Variants in OSMR observed in about 807,000 individuals in gnomAD.
OSMR encodes the protein oncostatin-M-specific receptor subunit beta.
A neutral mutation model predicts 99.9 loss-of-function variants in OSMR; 81 were observed. That is an observed-to-expected ratio of 0.81 (90% CI 0.68 to 0.97). The LOEUF (loss-of-function observed/expected upper bound fraction) is 0.97, where lower values mean the gene tolerates loss of function less well. Ranked by LOEUF, OSMR falls within the 50% of genes least tolerant of loss-of-function variation. The pLI, the probability that OSMR is intolerant of heterozygous loss-of-function variation, is 0.00. For synonymous variants in OSMR, 406 were observed against 410.4 expected, an observed-to-expected ratio of 0.99 and a Z score of 0.13; for missense variants, 1,099 against 1,153.4, an observed-to-expected ratio of 0.95 and a Z score of 0.68.
At chr5:38,885,227 C>G in intron 5 of OSMR, 122 bp from the exon 6 acceptor site, 1 of 1,538,398 alleles carries the variant, frequency 6.5e-7, no homozygotes, top group Non-Finnish European at 8.8e-7. Flanking sequence ...TAGCCTTCCA[C>G]CTCAGTGACC....
intron 13 of OSMR, among the ~76,000 whole-genome samples, chr5:38,923,672 G>C (rs1200567352): frequency 6.6e-6 from 1 of 151,978 alleles, no homozygotes; most frequent in Non-Finnish European, 1.5e-5. Context: ...TGTTACCACT[G>C]TCCCCCCAGC....
chr5:38,849,442 A>C (rs1740178349), intron 1 of OSMR, among the ~76,000 whole-genome samples: 1 of 149,990 alleles, frequency 6.7e-6, no homozygotes, highest in Non-Finnish European at 1.5e-5. Flanking sequence ...TCAGGATTCT[A>C]TTCTGTTTCA....
At chr5:38,920,933 A>G (rs1246804278) in intron 11 of OSMR, among the ~76,000 whole-genome samples, 1 of 152,202 alleles carries the variant, frequency 6.6e-6, no homozygotes, top group Non-Finnish European at 1.5e-5. Context: ...AACTGTGTGC[A>G]TATCTTTATA....
chr5:38,884,012 A>C lies in OSMR; in HGVS notation c.604A>C (p.Ser202Arg). The change falls in exon 5 of 18, where the codon AGT becomes CGT. Residue 202 changes from serine (S) to arginine (R), a missense_variant. Coordinates refer to ENST00000274276, the MANE Select transcript of OSMR (RefSeq NM_003999.3). ...DPHVTAFNLNSVPFIRNKGTN... is the reference protein window; with the variant it reads ...DPHVTAFNLNRVPFIRNKGTN... Reference sequence around the variant, plus strand: ...ACATGTAACTGCATTCAACTTGAATAGTGTGCCTTTCATTAGGAATAAAGG... The same window carrying C: ...ACATGTAACTGCATTCAACTTGAATCGTGTGCCTTTCATTAGGAATAAAGG... The C allele has an allele frequency of 6.2e-7, 1 of 1,613,272 alleles. No homozygotes were observed. The highest frequency in any genetic ancestry group is 8.5e-7 in the Non-Finnish European group (1 of 1,179,178).
At chr5:38,932,572 A>G in intron 17 of OSMR, 37 bp downstream of exon 17, 1 of 1,584,860 alleles carries the variant, frequency 6.3e-7, no homozygotes, top group Non-Finnish European at 8.7e-7. Context: ...CCATATACCT[A>G]TTAAGGACTA....
intron 1 of OSMR, among the ~76,000 whole-genome samples, chr5:38,848,997 T>C (rs1740136686): frequency 6.6e-6 from 1 of 152,136 alleles, no homozygotes. Context: ...AGACTGGTCT[T>C]GAACTCCTGG....
chr5:38,924,277 T>C, intron 13 of OSMR, 145 bp from the exon 14 acceptor site: 1 of 1,508,032 alleles, frequency 6.6e-7, no homozygotes, highest in Non-Finnish European at 8.9e-7. Flanking sequence ...GCACAAATCC[T>C]CTAGAGAAAC....
At chr5:38,853,339 C>A (rs1004949256) in intron 1 of OSMR, among the ~76,000 whole-genome samples, 3 of 152,218 alleles carry the variant, frequency 2.0e-5, no homozygotes, top group Non-Finnish European at 4.4e-5. Flanking sequence ...ATTTAATCCT[C>A]ATGCCAATGC....
At chr5:38,905,432 G>A (rs1745165649) in intron 9 of OSMR, among the ~76,000 whole-genome samples, 1 of 151,740 alleles carries the variant, frequency 6.6e-6, no homozygotes, top group Admixed American at 6.6e-5. Context: ...AGGTTGCAGT[G>A]AGCTGAGATC....
chr5:38,856,800 C>A (rs1406443108), intron 1 of OSMR, among the ~76,000 whole-genome samples: 1 of 152,146 alleles, frequency 6.6e-6, no homozygotes, highest in African/African-American at 2.4e-5. Flanking sequence ...TGCCACCATG[C>A]CCAGGTAATC....
chr5:38,921,416 G>C, intron 11 of OSMR, 199 bp from the exon 12 acceptor site: 1 of 873,676 alleles, frequency 1.1e-6, no homozygotes, highest in South Asian at 5.2e-5. Context: ...CTGAAGGGCA[G>C]GTGTGAATAT....
downstream of OSMR, chr5:38,939,426 G>GA (rs1308878206): frequency 4.3e-6 from 1 of 231,868 alleles, no homozygotes; most frequent in African/African-American, 2.2e-5. Context: ...ATCGTTATTA[G>GA]AAAAAATTTA....
At position 38,935,060 on chromosome 5, in the gene OSMR, CCTGACCTCAGGTGAT is replaced by C. The variant is rs1317531960; in HGVS notation, c.*1620_*1634del. On this transcript the variant is annotated 3_prime_UTR_variant, in exon 18 of 18. Coordinates refer to ENST00000274276, the MANE Select transcript of OSMR (RefSeq NM_003999.3). Reference sequence around the variant, plus strand: ...ATGTTGGTCAGGCTGTTCTCGAACTCCTGACCTCAGGTGATCTGCCTGCCTTGGCCTCCCAAAGTG... The same window carrying C: ...ATGTTGGTCAGGCTGTTCTCGAACTCCTGCCTGCCTTGGCCTCCCAAAGTG... 1 of 152,406 alleles carries C rather than the reference CCTGACCTCAGGTGAT, an allele frequency of 6.6e-6. No homozygotes were observed. The highest frequency in any genetic ancestry group is 2.4e-5 in the African/African-American group (1 of 41,450). 9.4% of individuals were successfully genotyped at this position (152,406 alleles called of 1,614,324 possible).
chr5:38,931,713 G>C (rs967497828), intron 15 of OSMR, 170 bp from the exon 16 acceptor site: 14 of 957,430 alleles, frequency 1.5e-5, no homozygotes, highest in African/African-American at 1.8e-5. Context: ...TTGGCTAGTT[G>C]GTTGGTTGGC....
intron 7 of OSMR, among the ~76,000 whole-genome samples, chr5:38,894,701 T>A (rs945581644): frequency 6.6e-6 from 1 of 150,702 alleles, no homozygotes; most frequent in African/African-American, 2.4e-5. Context: ...ATAAAACAAG[T>A]ACTTCTTATT....
chr5:38,890,297 A>G (rs975397196), intron 7 of OSMR, among the ~76,000 whole-genome samples: 1 of 152,144 alleles, frequency 6.6e-6, no homozygotes, highest in Non-Finnish European at 1.5e-5. Flanking sequence ...ACTGAACCTG[A>G]GTCTGTATTT....
At chr5:38,932,414 T>C (rs1286694059) in intron 16 of OSMR, 49 bp from the exon 17 acceptor site, 7 of 1,360,850 alleles carry the variant, frequency 5.1e-6, no homozygotes, top group African/African-American at 1.4e-5. Context: ...TGCTCTTAAC[T>C]CGTCCACTGT....
chr5:38,921,372 TG>T, intron 11 of OSMR: 1 of 428,028 alleles, frequency 2.3e-6, no homozygotes, highest in Non-Finnish European at 3.1e-6. Flanking sequence ...TGCTGAAGTC[TG>T]GTTGGGCTTC....
chr5:38,885,397 A>G lies in OSMR; in HGVS notation c.752A>G (p.Lys251Arg), dbSNP rs530341915. The change falls in exon 6 of 18, where the codon AAG (lysine) becomes AGG (arginine). Residue 251 changes from lysine (K) to arginine (R), a missense_variant. By Grantham distance (26) the Lys-to-Arg change is conservative. Coordinates refer to ENST00000274276, the MANE Select transcript of OSMR (RefSeq NM_003999.3). ...KDFSCETEDF[K>R]TLHCTWDPGT... is the part of the protein sequence containing the mutation. ...TTTTCTTGTGAAACCGAGGACTTCA[A>G]GACTTTGCACTGTACTTGGGATCCT... is the stretch of plus-strand genomic sequence containing the variant. The G allele has an allele frequency of 5.6e-5, 91 of 1,613,868 alleles. No homozygotes were observed. In the South Asian group the frequency reaches 9.6e-4, roughly 17 times the overall value.
Sources: allele counts gnomAD v4.1 joint callset (sites outside exome capture counted in the v4.1 genomes callset), GRCh38; gene constraint gnomAD v4.1.1; transcripts MANE v1.5; gene names NCBI Gene and HGNC (gene_info 2026-07-23, HGNC 2026-07-21).